The following CHD2 variants were observed in gnomAD, a reference collection of about 807,000 sequenced individuals.
CHD2 encodes the protein chromodomain helicase DNA binding protein 2.
CHD2 carries 28 observed loss-of-function variants against 243.9 expected under a neutral mutation model. The observed-to-expected ratio is 0.11, with a 90% CI of 0.09 to 0.16. The LOEUF (loss-of-function observed/expected upper bound fraction) is 0.16. CHD2 is among the 10% of genes least tolerant of loss of function. The pLI is 1.00. For synonymous variants in CHD2, 775 were observed against 779.0 expected, an observed-to-expected ratio of 0.99 and a Z score of 0.09; for missense variants, 1,386 against 2,209.8, an observed-to-expected ratio of 0.63 and a Z score of 7.47.
intron 6 of CHD2, among the ~76,000 whole-genome samples, chr15:92,938,889 G>GGT: frequency 6.6e-6 from 1 of 152,200 alleles, no homozygotes; most frequent in Non-Finnish European, 1.5e-5. Flanking sequence ...CAGTCTCTCA[G>GGT]GTAGTATTCC....
chr15:92,923,698 TTAGACTGCAG>T (rs1277499027), intron 2 of CHD2, among the ~76,000 whole-genome samples: 1 of 151,696 alleles, frequency 6.6e-6, no homozygotes, highest in African/African-American at 2.4e-5. Flanking sequence ...CCCGAGTAGC[TTAGACTGCAG>T]GTGTGTGCCA....
intron 16 of CHD2, among the ~76,000 whole-genome samples, chr15:92,960,950 G>A (rs972322811): frequency 4.6e-5 from 7 of 151,896 alleles, no homozygotes; most frequent in African/African-American, 7.2e-5. Context: ...ACTCCTGGCC[G>A]TAAGTGATCT....
At chr15:92,949,555 A>T (rs2141803698) in intron 13 of CHD2, among the ~76,000 whole-genome samples, 1 of 152,300 alleles carries the variant, frequency 6.6e-6, no homozygotes, top group East Asian at 1.9e-4. Flanking sequence ...CTGTAGGATT[A>T]TCCTGTTCAG....
At chr15:92,926,881 G>A (rs2053071976) in intron 3 of CHD2, among the ~76,000 whole-genome samples, 1 of 152,160 alleles carries the variant, frequency 6.6e-6, no homozygotes, top group Non-Finnish European at 1.5e-5. Context: ...GTGGGTTAGT[G>A]CAGTCAAGAC....
At chr15:92,933,833 T>G (rs914285338) in intron 5 of CHD2, among the ~76,000 whole-genome samples, 1 of 152,176 alleles carries the variant, frequency 6.6e-6, no homozygotes, top group African/African-American at 2.4e-5. Context: ...CTTGAACTCC[T>G]TGGTTCAAGC....
At chr15:92,904,304 G>T in intron 2 of CHD2, 1 of 282,864 alleles carries the variant, frequency 3.5e-6, no homozygotes, top group Non-Finnish European at 5.3e-6. Flanking sequence ...GCCGGCGCCG[G>T]CGCGGGGTGC....
intron 35 of CHD2, among the ~76,000 whole-genome samples, chr15:93,011,159 G>T (rs1196916691): frequency 1.3e-5 from 2 of 151,440 alleles, no homozygotes; most frequent in Non-Finnish European, 2.9e-5. Context: ...TTTTAAATGT[G>T]CCAGGCACTG....
At chr15:92,996,109 A>G (rs2054183737) in intron 28 of CHD2, among the ~76,000 whole-genome samples, 1 of 148,296 alleles carries the variant, frequency 6.7e-6, no homozygotes, top group African/African-American at 2.5e-5. Context: ...TTGGGGCTTC[A>G]TTTTTACTTC....
At chr15:92,948,072 T>A (rs1303548730) in intron 12 of CHD2, among the ~76,000 whole-genome samples, 1 of 152,192 alleles carries the variant, frequency 6.6e-6, no homozygotes, top group Non-Finnish European at 1.5e-5. Context: ...TAAACTGATT[T>A]GGCCACAGAA....
chr15:93,020,365 T>A, intron 38 of CHD2, 107 bp downstream of exon 38: 1 of 1,388,460 alleles, frequency 7.2e-7, no homozygotes, highest in Non-Finnish European at 1.0e-6. Context: ...TTACTGAAGA[T>A]CTCATCATGC....
intron 20 of CHD2, among the ~76,000 whole-genome samples, chr15:92,977,974 G>A (rs2053931522): frequency 6.6e-6 from 1 of 152,138 alleles, no homozygotes; most frequent in African/African-American, 2.4e-5. Context: ...GTAGCCGGGA[G>A]GTAGCACTAA....
At chr15:93,020,345 A>G in intron 38 of CHD2, 87 bp downstream of exon 38, 2 of 1,495,802 alleles carry the variant, frequency 1.3e-6, no homozygotes, top group Non-Finnish European at 9.3e-7. Flanking sequence ...GAATGTATTT[A>G]TCTATCAAAT....
chr15:93,006,642 A>C (rs2054325881), intron 34 of CHD2, among the ~76,000 whole-genome samples: 2 of 152,214 alleles, frequency 1.3e-5, no homozygotes, highest in African/African-American at 4.8e-5. Context: ...AATAAGGTGA[A>C]GAGAGTTAAG....
chr15:92,970,782 A>G (rs1479622249), intron 17 of CHD2, among the ~76,000 whole-genome samples: 2 of 152,154 alleles, frequency 1.3e-5, no homozygotes, highest in African/African-American at 2.4e-5. Context: ...GTAGGCACTT[A>G]GATTGTTTTA....
chr15:92,948,372 A>G (rs981388771), intron 12 of CHD2, among the ~76,000 whole-genome samples: 14 of 151,980 alleles, frequency 9.2e-5, no homozygotes, highest in East Asian at 7.7e-4. Context: ...TGACTGCCAT[A>G]TAATAGACAA....
chr15:93,024,674 C>G lies in CHD2; in HGVS notation c.5456C>G (p.Pro1819Arg), dbSNP rs1352154466. The change falls in exon 39 of 39, where the codon CCA (proline) becomes CGA (arginine). Residue 1819 changes from proline (P) to arginine (R), a missense_variant. Transcript: ENST00000394196. ...LERSLEQKNN[P>R]DYNWNVRKT ...AGATCACTAGAACAGAAAAACAACCCAGATTATAACTGGAATGTTCGGAAA... is the reference window on the plus strand; with the variant it reads ...AGATCACTAGAACAGAAAAACAACCGAGATTATAACTGGAATGTTCGGAAA... The G allele has an allele frequency of 6.2e-7, 1 of 1,612,736 alleles. No homozygotes were observed. The highest frequency in any genetic ancestry group is 1.3e-5 in the African/African-American group (1 of 74,920).
rs4777755 is a variant in CHD2 at position 92,967,373 on chromosome 15, A to G, written c.2049A>G (p.Glu683=). 0.84 allele frequency: 1,349,468 copies of G among 1,611,470 alleles called. 568,521 individuals are homozygous for G. The highest frequency in any genetic ancestry group is 1 in the East Asian group (44,743 of 44,818). ...DFEEDHGKGR[E]NGYQSLHKVL... Reference sequence around the variant, plus strand: ...AAGAAGACCATGGGAAGGGGAGAGAAAATGGCTACCAGAGTCTTCATAAGG... The same window carrying G: ...AAGAAGACCATGGGAAGGGGAGAGAGAATGGCTACCAGAGTCTTCATAAGG... The change falls in exon 17 of 39, where the codon GAA becomes GAG. Residue 683 remains glutamate (E), a synonymous_variant. Transcript: ENST00000394196.
rs114114183 is a variant in CHD2 at position 93,005,632 on chromosome 15, T to G, written c.4413+881T>G. ...GTCCTGTAACCTCTCTCTGACTTCT[T>G]TCTCTGAGTTCTCTAAAACCTATAC... On this transcript the variant is annotated intron_variant, in intron 34 of 38. Transcript: ENST00000394196. Among the ~76,000 whole-genome samples the G allele has an allele frequency of 2.7e-3, 417 of 152,336 alleles. 4 individuals are homozygous for G. Among genetic ancestry groups the G allele is most frequent in the African/African-American group, 9.5e-3 (396 of 41,580 alleles).
intron 1 of CHD2, 84 bp downstream of exon 1, chr15:92,900,908 G>A: frequency 2.5e-6 from 1 of 406,632 alleles, no homozygotes; most frequent in South Asian, 8.2e-5. Flanking sequence ...GAAATTCTTG[G>A]ATGACGCAAT....
Sources: allele counts gnomAD v4.1 joint callset (sites outside exome capture counted in the v4.1 genomes callset), GRCh38; gene constraint gnomAD v4.1.1; transcripts MANE v1.5; gene names NCBI Gene and HGNC (gene_info 2026-07-23, HGNC 2026-07-21).